The following TMC1 variants were observed in gnomAD, a reference collection of about 807,000 sequenced individuals.
The protein encoded by TMC1 is transmembrane channel-like protein 1.
TMC1 carries 84 observed loss-of-function variants against 105.8 expected under a neutral mutation model. The observed-to-expected ratio is 0.79, with a 90% CI of 0.67 to 0.95. The LOEUF (loss-of-function observed/expected upper bound fraction) is 0.95, where lower values mean the gene tolerates loss of function less well. Ranked by LOEUF, TMC1 falls within the 40% of genes least tolerant of loss-of-function variation. The pLI, the probability that TMC1 is intolerant of heterozygous loss-of-function variation, is 0.00. For missense variants in TMC1, 817 were observed against 914.1 expected (o/e 0.89, Z 1.37); for synonymous variants, 315 against 311.5 (o/e 1.01, Z -0.12).
Position 72,836,107 on chromosome 9 carries a change from A to C in TMC1, c.*134A>C, listed in dbSNP as rs780922035. ...CTACCCTTGATGGATTTTCAAGGTC[A>C]TGCTGGCCAATTAAGGCATCATCAG... On this transcript the variant is annotated 3_prime_UTR_variant, in exon 24 of 24. Transcript: ENST00000297784. The C allele has an allele frequency of 1.4e-5, 14 of 1,022,740 alleles. No homozygotes were observed. In the African/African-American group the frequency reaches 1.6e-4, roughly 11 times the overall value. The allele number at this position is 1,022,740 out of a possible 1,614,324, so 63.4% of individuals were successfully genotyped here.
chr9:72,810,613 T>C (rs917513033), intron 18 of TMC1, among the ~76,000 whole-genome samples: 4 of 152,208 alleles, frequency 2.6e-5, no homozygotes, highest in African/African-American at 9.6e-5. Flanking sequence ...TACGTATATA[T>C]GTGTGTAAAC....
chr9:72,644,649 C>G (rs1262914576), intron 4 of TMC1, among the ~76,000 whole-genome samples: 1 of 152,104 alleles, frequency 6.6e-6, no homozygotes, highest in African/African-American at 2.4e-5. Flanking sequence ...GTCCTGATAA[C>G]TGTAGTTAAT....
chr9:72,698,118 T>C (rs1013052166), intron 7 of TMC1, among the ~76,000 whole-genome samples: 1 of 152,138 alleles, frequency 6.6e-6, no homozygotes, highest in Admixed American at 6.5e-5. Flanking sequence ...CACAGCATCA[T>C]AGGCTTTTAT....
intron 5 of TMC1, among the ~76,000 whole-genome samples, chr9:72,684,425 A>G (rs1826341863): frequency 1.3e-5 from 2 of 152,046 alleles, no homozygotes; most frequent in South Asian, 2.1e-4. Context: ...GCCATCCACA[A>G]TCTCTGACTT....
Position 72,602,241 on chromosome 9 carries a change from A to G in TMC1, c.-305-14127A>G, listed in dbSNP as rs576898460. ...GTGGTTTTAGTATAATATTATTACA[A>G]ATGAAGAGCCTGAGACTTGAGAAAG... On this transcript the variant is annotated intron_variant, in intron 2 of 23. Transcript: ENST00000297784. Among the ~76,000 whole-genome samples the G allele has an allele frequency of 1.3e-3, 197 of 152,214 alleles. 1 individual carries two copies. The highest frequency in any genetic ancestry group is 4.6e-3 in the African/African-American group (190 of 41,528).
At position 72,837,104 on chromosome 9, in the gene TMC1, TG is replaced by T. The variant is rs1829137887; in HGVS notation, c.*1133del. 1 of 152,316 alleles carries T rather than the reference TG, an allele frequency of 6.6e-6. No individual in the cohort carries two copies. The allele number at this position is 152,316 out of a possible 1,614,324, so 9.4% of individuals were successfully genotyped here. A position where few individuals can be genotyped will look rare whatever the true frequency, so the allele number is the denominator to read the frequency against. ...GCGGATGGGCTGTCCGTGTGGATGG[TG>T]GCCTGCCGGCAGTTGGAAGGAGCTA... On this transcript the variant is annotated 3_prime_UTR_variant, in exon 24 of 24. Coordinates refer to ENST00000297784, the MANE Select transcript of TMC1 (RefSeq NM_138691.3).
intron 3 of TMC1, among the ~76,000 whole-genome samples, chr9:72,623,124 A>G (rs1475154128): frequency 7.5e-6 from 1 of 132,726 alleles, no homozygotes; most frequent in Admixed American, 7.7e-5. Flanking sequence ...AAAGGGTTTT[A>G]TTTGTCTTCT....
intron 3 of TMC1, among the ~76,000 whole-genome samples, chr9:72,621,798 A>T (rs72731185): frequency 0.017 from 2,609 of 152,266 alleles, 36 homozygotes; most frequent in Non-Finnish European, 0.026. Context: ...TGGCACATTT[A>T]TAAGGAAATT....
chr9:72,697,534 T>C (rs1826571069), intron 7 of TMC1, among the ~76,000 whole-genome samples: 1 of 152,134 alleles, frequency 6.6e-6, no homozygotes, highest in Non-Finnish European at 1.5e-5. Context: ...TTAAAGGACT[T>C]GAAATTTGGA....
intron 5 of TMC1, among the ~76,000 whole-genome samples, chr9:72,677,654 A>G (rs1204871159): frequency 6.6e-6 from 1 of 152,172 alleles, no homozygotes; most frequent in Non-Finnish European, 1.5e-5. Context: ...AGATATAGAC[A>G]ATCAATTATT....
chr9:72,726,873 A>G (rs931013421), intron 8 of TMC1, among the ~76,000 whole-genome samples: 1 of 152,222 alleles, frequency 6.6e-6, no homozygotes, highest in Non-Finnish European at 1.5e-5. Context: ...GTTGAAACAC[A>G]TTACCTACAC....
At chr9:72,685,169 C>G (rs1447635572) in intron 5 of TMC1, among the ~76,000 whole-genome samples, 4 of 138,064 alleles carry the variant, frequency 2.9e-5, no homozygotes, top group African/African-American at 5.7e-5. Context: ...TGCAGTGGCG[C>G]TATCTCAGCT....
chr9:72,624,786 A>G (rs115271477), intron 3 of TMC1, among the ~76,000 whole-genome samples: 28 of 152,298 alleles, frequency 1.8e-4, no homozygotes, highest in South Asian at 6.2e-4. Context: ...CTCACCTGCA[A>G]TGTGTTCTGA....
chr9:72,588,490 G>T (rs1824587469), intron 2 of TMC1, among the ~76,000 whole-genome samples: 1 of 152,132 alleles, frequency 6.6e-6, no homozygotes, highest in Non-Finnish European at 1.5e-5. Flanking sequence ...CTCAGCTGTG[G>T]CTGTCAGCTT....
chr9:72,529,531 T>C (rs905647102), intron 1 of TMC1, among the ~76,000 whole-genome samples: 1 of 152,164 alleles, frequency 6.6e-6, no homozygotes, highest in Non-Finnish European at 1.5e-5. Context: ...TATACATATG[T>C]GTTTAGGAAA....
chr9:72,591,426 A>G (rs1370991331), intron 2 of TMC1, among the ~76,000 whole-genome samples: 1 of 152,168 alleles, frequency 6.6e-6, no homozygotes, highest in East Asian at 1.9e-4. Context: ...TTCACTGTAG[A>G]AGGAAGTGTG....
At chr9:72,781,186 A>G (rs1368922009) in intron 13 of TMC1, among the ~76,000 whole-genome samples, 6 of 152,234 alleles carry the variant, frequency 3.9e-5, no homozygotes, top group Non-Finnish European at 4.4e-5. Context: ...ACATGATTAC[A>G]TGGAAATTAA....
chr9:72,610,506 G>A (rs1157251137), intron 2 of TMC1, among the ~76,000 whole-genome samples: 1 of 152,124 alleles, frequency 6.6e-6, no homozygotes, highest in Non-Finnish European at 1.5e-5. Context: ...TAAAGTCCAA[G>A]GGCAGGAAAC....
At chr9:72,643,090 T>A (rs542546849) in intron 4 of TMC1, among the ~76,000 whole-genome samples, 20 of 152,244 alleles carry the variant, frequency 1.3e-4, no homozygotes, top group Non-Finnish European at 1.3e-4. Context: ...TTTTCAAAGG[T>A]TTTTTCCTTC....
Sources: allele counts gnomAD v4.1 joint callset (sites outside exome capture counted in the v4.1 genomes callset), GRCh38; gene constraint gnomAD v4.1.1; transcripts MANE v1.5; gene names NCBI Gene and HGNC (gene_info 2026-07-23, HGNC 2026-07-21).